Variants in KCNH5 observed in about 807,000 individuals in gnomAD.
The protein encoded by KCNH5 is potassium voltage-gated channel subfamily H member 5.
Under a neutral mutation model 96.1 loss-of-function variants are expected in KCNH5, and 46 were observed. That is an observed-to-expected ratio of 0.48 (90% CI 0.38 to 0.61). The LOEUF is 0.61. Among genes scored for constraint, KCNH5 ranks in the 20% least tolerant of loss-of-function variants. The pLI is 0.00. For missense variants in KCNH5, 907 were observed against 1,225.8 expected (o/e 0.74, Z 3.88); for synonymous variants, 439 against 449.8 (o/e 0.98, Z 0.30).
chr14:63,007,219 C>T (rs1891143711), intron 2 of KCNH5, among the ~76,000 whole-genome samples: 1 of 152,008 alleles, frequency 6.6e-6, no homozygotes, highest in African/African-American at 2.4e-5. Context: ...GAGGAGGTGA[C>T]ACCAGTTTAA....
At chr14:62,722,724 T>C (rs993211081) in intron 10 of KCNH5, among the ~76,000 whole-genome samples, 1 of 152,212 alleles carries the variant, frequency 6.6e-6, no homozygotes, top group Non-Finnish European at 1.5e-5. Flanking sequence ...TTGGCAAACG[T>C]AATACACTTT....
chr14:62,779,872 A>G lies in KCNH5; in HGVS notation c.1875T>C (p.His625=), dbSNP rs1282718979. The G allele has an allele frequency of 6.2e-7, 1 of 1,613,928 alleles. No homozygotes were observed. The highest frequency in any genetic ancestry group is 8.5e-7 in the Non-Finnish European group (1 of 1,179,826). ...DIFWKETTLA[H]ACANVRALTY... is the part of the protein sequence containing the mutation. ...TCAGTGCCCGGACGTTCGCACATGC[A>G]TGGGCAAGGGTGGTTTCCTTCCAGA... The change falls in exon 10 of 11, where the codon CAT becomes CAC. Residue 625 remains histidine, a synonymous_variant. Coordinates refer to ENST00000322893, the MANE Select transcript of KCNH5 (RefSeq NM_139318.5).
At chr14:62,846,014 A>G (rs536868033) in intron 8 of KCNH5, among the ~76,000 whole-genome samples, 35 of 152,336 alleles carry the variant, frequency 2.3e-4, no homozygotes, top group African/African-American at 7.9e-4. Context: ...AATTGCTTTC[A>G]AGAAATGTGC....
At chr14:62,901,756 G>T (rs1490915764) in intron 7 of KCNH5, among the ~76,000 whole-genome samples, 8 of 152,230 alleles carry the variant, frequency 5.3e-5, no homozygotes, top group Non-Finnish European at 1.2e-4. Flanking sequence ...TAATGGGATT[G>T]CTGGGTCAAA....
At chr14:62,709,146 T>A (rs1488062373) in intron 10 of KCNH5, among the ~76,000 whole-genome samples, 23 of 136,962 alleles carry the variant, frequency 1.7e-4, no homozygotes, top group Non-Finnish European at 3.0e-5. Context: ...GGCAGGAGAA[T>A]GGCGTGAACC....
chr14:62,874,710 T>C (rs1448365929), intron 7 of KCNH5, among the ~76,000 whole-genome samples: 1 of 145,268 alleles, frequency 6.9e-6, no homozygotes, highest in Non-Finnish European at 1.5e-5. Context: ...AAGAGCTATC[T>C]ATGACAAACC....
At chr14:62,892,213 C>T (rs1888724196) in intron 7 of KCNH5, among the ~76,000 whole-genome samples, 1 of 152,168 alleles carries the variant, frequency 6.6e-6, no homozygotes, top group Admixed American at 6.5e-5. Context: ...TGTTCCTCCT[C>T]TAAACACATA....
At chr14:63,010,762 A>G (rs1891209399) in intron 2 of KCNH5, among the ~76,000 whole-genome samples, 1 of 152,140 alleles carries the variant, frequency 6.6e-6, no homozygotes, top group Admixed American at 6.6e-5. Context: ...TGCTCTCAAA[A>G]TCTCACGAAC....
intron 8 of KCNH5, among the ~76,000 whole-genome samples, chr14:62,834,751 GA>G (rs1228634591): frequency 1.3e-5 from 2 of 151,712 alleles, no homozygotes; most frequent in Non-Finnish European, 3.0e-5. Flanking sequence ...AAAATCAAAA[GA>G]AAAAATAACA....
rs1162856058 is a variant in KCNH5 at position 62,703,079 on chromosome 14, G to C, written c.*4429C>G. On this transcript the variant is annotated 3_prime_UTR_variant, in exon 11 of 11. Transcript: ENST00000322893. ...AATTTCTGCCAAGCAGTATGATTAA[G>C]TAGAAATAAGAAAAATCACAAAATT... The C allele has an allele frequency of 2.0e-5, 3 of 151,810 alleles. No individual in the cohort carries two copies. Among genetic ancestry groups the C allele is most frequent in the East Asian group, 3.9e-4 (2 of 5,190 alleles). 9.4% of individuals were successfully genotyped at this position (151,810 alleles called of 1,614,324 possible).
chr14:63,014,663 G>C (rs142470400), intron 2 of KCNH5, among the ~76,000 whole-genome samples: 1 of 152,026 alleles, frequency 6.6e-6, no homozygotes, highest in African/African-American at 2.4e-5. Context: ...AAAGCAATAA[G>C]AATAAAAACC....
At chr14:62,750,073 T>C (rs186921251) in intron 10 of KCNH5, among the ~76,000 whole-genome samples, 27 of 152,270 alleles carry the variant, frequency 1.8e-4, no homozygotes, top group Admixed American at 3.3e-4. Context: ...GTAAATATTT[T>C]ACATGGGGGC....
intron 8 of KCNH5, among the ~76,000 whole-genome samples, chr14:62,845,947 C>T (rs963801286): frequency 3.3e-5 from 5 of 151,916 alleles, no homozygotes; most frequent in Admixed American, 6.6e-5. Context: ...AGAAAAGGGA[C>T]GAGGCACAAG....
intron 7 of KCNH5, among the ~76,000 whole-genome samples, chr14:62,929,488 T>C (rs569188024): frequency 5.3e-4 from 80 of 152,150 alleles, no homozygotes; most frequent in Non-Finnish European, 8.4e-4. Flanking sequence ...CACAGAACAA[T>C]GGTCACCAGG....
At chr14:63,043,575 G>C (rs1014211433) in intron 1 of KCNH5, among the ~76,000 whole-genome samples, 4 of 152,098 alleles carry the variant, frequency 2.6e-5, no homozygotes, top group Non-Finnish European at 5.9e-5. Context: ...GTATTTAAAA[G>C]AATATTAGGC....
chr14:62,869,376 G>A (rs61997478), intron 7 of KCNH5, among the ~76,000 whole-genome samples: 1 of 148,960 alleles, frequency 6.7e-6, no homozygotes, highest in Non-Finnish European at 1.5e-5. Flanking sequence ...ACTTTTTGAT[G>A]GGGTTTTTTT....
chr14:62,977,951 T>G (rs562554020), intron 6 of KCNH5, among the ~76,000 whole-genome samples: 1 of 152,182 alleles, frequency 6.6e-6, no homozygotes, highest in Non-Finnish European at 1.5e-5. Context: ...AGTAAATGGA[T>G]AGTCCCAGAG....
chr14:62,726,658 T>C (rs1884932400), intron 10 of KCNH5, among the ~76,000 whole-genome samples: 1 of 151,740 alleles, frequency 6.6e-6, no homozygotes, highest in Non-Finnish European at 1.5e-5. Context: ...TATGGGGGAA[T>C]GCAAATTCAT....
intron 3 of KCNH5, among the ~76,000 whole-genome samples, chr14:63,003,504 T>TTTATATATA (rs1396960307): frequency 8.1e-5 from 10 of 123,328 alleles, no homozygotes; most frequent in Admixed American, 1.8e-4. Context: ...ATATATATAT[T>TTTATATATA]TTATATATAT....
Sources: allele counts gnomAD v4.1 joint callset (sites outside exome capture counted in the v4.1 genomes callset), GRCh38; gene constraint gnomAD v4.1.1; transcripts MANE v1.5; gene names NCBI Gene and HGNC (gene_info 2026-07-23, HGNC 2026-07-21).